Variants in GPM6A observed in about 807,000 individuals in gnomAD.
GPM6A encodes the protein glycoprotein M6A.
GPM6A carries 7 observed loss-of-function variants against 32.1 expected under a neutral mutation model. That is an observed-to-expected ratio of 0.22 (90% CI 0.12 to 0.41). The LOEUF (loss-of-function observed/expected upper bound fraction) is 0.41, where lower values mean the gene tolerates loss of function less well. Ranked by LOEUF, GPM6A falls within the 10% of genes least tolerant of loss-of-function variation. The pLI, the probability that GPM6A is intolerant of heterozygous loss-of-function variation, is 1.00. For synonymous variants in GPM6A, 130 were observed against 123.4 expected, an observed-to-expected ratio of 1.05 and a Z score of -0.35; for missense variants, 235 against 347.2, an observed-to-expected ratio of 0.68 and a Z score of 2.57.
intron 1 of GPM6A, chr4:175,947,739 G>A (rs1187331573): frequency 6.6e-6 from 1 of 152,058 alleles, no homozygotes; most frequent in Non-Finnish European, 1.5e-5. Context: ...AAAGACACCC[G>A]ACATTTTAAT....
chr4:175,884,719 A>G (rs933295056), intron 1 of GPM6A, among the ~76,000 whole-genome samples: 1 of 151,680 alleles, frequency 6.6e-6, no homozygotes, highest in Non-Finnish European at 1.5e-5. Context: ...TTTTTAGTAG[A>G]GACAGGGTTT....
intron 1 of GPM6A, among the ~76,000 whole-genome samples, chr4:175,827,560 C>A (rs1323901164): frequency 6.6e-6 from 1 of 152,162 alleles, no homozygotes; most frequent in African/African-American, 2.4e-5. Context: ...ATGAAGCAGG[C>A]TGGAAAGGGT....
intron 1 of GPM6A, among the ~76,000 whole-genome samples, chr4:175,919,253 TATA>T (rs1738592256): frequency 6.6e-6 from 1 of 152,014 alleles, no homozygotes; most frequent in South Asian, 2.1e-4. Flanking sequence ...TCTAGTAAAA[TATA>T]ATGAGTTTTT....
At chr4:175,816,931 C>T (rs1735120338), upstream of GPM6A, among the ~76,000 whole-genome samples, 1 of 151,958 alleles carries the variant, frequency 6.6e-6, no homozygotes, top group Non-Finnish European at 1.5e-5. Context: ...GCGGTCTCGG[C>T]TCACTGCAAG....
At chr4:175,842,247 G>A (rs184697963) in intron 1 of GPM6A, among the ~76,000 whole-genome samples, 12 of 152,050 alleles carry the variant, frequency 7.9e-5, no homozygotes, top group South Asian at 2.1e-4. Context: ...TAGCATTAAC[G>A]TATGTAAAAT....
At chr4:175,725,248 A>AAG (rs1176991234) in intron 1 of GPM6A, among the ~76,000 whole-genome samples, 1 of 151,992 alleles carries the variant, frequency 6.6e-6, no homozygotes, top group Non-Finnish European at 1.5e-5. Context: ...TTAGGCCCAA[A>AAG]AGAATAGAGC....
chr4:175,787,289 A>T, intron 1 of GPM6A: 1 of 1,093,554 alleles, frequency 9.1e-7, no homozygotes. Flanking sequence ...TGATTTCCTC[A>T]ATAGTTTCAC....
chr4:175,991,072 TTTC>T (rs1268710459), intron 1 of GPM6A, among the ~76,000 whole-genome samples: 1 of 139,354 alleles, frequency 7.2e-6, no homozygotes, highest in Non-Finnish European at 1.5e-5. Flanking sequence ...TTTATCTTTC[TTTC>T]TTTTTTTTTT....
intron 1 of GPM6A, among the ~76,000 whole-genome samples, chr4:175,904,235 T>C (rs1165830680): frequency 6.6e-6 from 1 of 152,166 alleles, no homozygotes; most frequent in Non-Finnish European, 1.5e-5. Flanking sequence ...CTGCCTAAGA[T>C]AGCAAATGTG....
chr4:175,944,425 T>C (rs1252820430), intron 1 of GPM6A, among the ~76,000 whole-genome samples: 1 of 152,198 alleles, frequency 6.6e-6, no homozygotes, highest in Non-Finnish European at 1.5e-5. Context: ...TTCATCTTTC[T>C]TTTTAAGTGT....
chr4:175,890,273 A>G (rs1737599410), intron 1 of GPM6A, among the ~76,000 whole-genome samples: 1 of 152,182 alleles, frequency 6.6e-6, no homozygotes, highest in African/African-American at 2.4e-5. Flanking sequence ...TGTCCATCCT[A>G]TAGAATCTGG....
intron 1 of GPM6A, among the ~76,000 whole-genome samples, chr4:175,939,034 T>C (rs1216353185): frequency 1.3e-5 from 2 of 152,138 alleles, no homozygotes; most frequent in African/African-American, 4.8e-5. Flanking sequence ...AAAAGAATAA[T>C]GCTAAATATA....
intron 2 of GPM6A, among the ~76,000 whole-genome samples, chr4:175,698,939 G>A (rs778359489): frequency 5.9e-5 from 9 of 152,120 alleles, no homozygotes; most frequent in Non-Finnish European, 1.3e-4. Flanking sequence ...ATGAAAGTTT[G>A]TTGTTTAAAT....
intron 1 of GPM6A, among the ~76,000 whole-genome samples, chr4:175,969,801 C>T (rs914697235): frequency 1.3e-5 from 2 of 152,082 alleles, no homozygotes; most frequent in Non-Finnish European, 2.9e-5. Context: ...TTAGTAATAC[C>T]GGAAAGTGTG....
chr4:175,920,222 G>T (rs1738621568), intron 1 of GPM6A, among the ~76,000 whole-genome samples: 1 of 152,178 alleles, frequency 6.6e-6, no homozygotes, highest in Non-Finnish European at 1.5e-5. Flanking sequence ...TTGCCACTGG[G>T]ATCCTACATG....
intron 1 of GPM6A, 97 bp downstream of exon 1, chr4:175,812,094 G>C: frequency 1.1e-6 from 1 of 900,068 alleles, no homozygotes; most frequent in Admixed American, 2.3e-5. Flanking sequence ...CCTTCCAAGA[G>C]AGAAACATTC....
At chr4:175,746,746 A>G (rs1398183264) in intron 1 of GPM6A, among the ~76,000 whole-genome samples, 3 of 152,316 alleles carry the variant, frequency 2.0e-5, no homozygotes, top group Non-Finnish European at 4.4e-5. Context: ...TGATAAGGCT[A>G]TCTTCTGAAA....
At chr4:175,782,623 C>T (rs1164235115) in intron 1 of GPM6A, among the ~76,000 whole-genome samples, 1 of 152,076 alleles carries the variant, frequency 6.6e-6, no homozygotes, top group Non-Finnish European at 1.5e-5. Context: ...CAGTTTATTA[C>T]ATCCGATTAA....
At chr4:175,793,409 C>T (rs984634681) in intron 1 of GPM6A, among the ~76,000 whole-genome samples, 5 of 152,004 alleles carry the variant, frequency 3.3e-5, no homozygotes, top group African/African-American at 7.3e-5. Flanking sequence ...TGGTGTTTCG[C>T]TCTGTCCCTC....
Sources: allele counts gnomAD v4.1 joint callset (sites outside exome capture counted in the v4.1 genomes callset), GRCh38; gene constraint gnomAD v4.1.1; transcripts MANE v1.5; gene names NCBI Gene and HGNC (gene_info 2026-07-23, HGNC 2026-07-21).